DNAH9: variants seen among roughly 807,000 people sequenced by gnomAD.
DNAH9 encodes DNAH9 variant protein.
A neutral mutation model predicts 471.6 loss-of-function variants in DNAH9; 345 were observed. That is an observed-to-expected ratio of 0.73 (90% CI 0.67 to 0.80). DNAH9 has a LOEUF of 0.80. Ranked by LOEUF, DNAH9 falls within the 30% of genes least tolerant of loss-of-function variation. DNAH9 has a pLI of 0.00. For synonymous variants in DNAH9, 2,093 were observed against 2,123.6 expected (o/e 0.99, Z 0.40); for missense variants, 5,407 against 5,609.2 (o/e 0.96, Z 1.15).
chr17:11,865,244 A>G (rs1042920636), intron 50 of DNAH9, among the ~76,000 whole-genome samples: 1 of 151,986 alleles, frequency 6.6e-6, no homozygotes, highest in Non-Finnish European at 1.5e-5. Context: ...AGCTTTGCTT[A>G]TCTGTAAAGT....
At chr17:11,928,581 T>C (rs1974403570) in intron 62 of DNAH9, among the ~76,000 whole-genome samples, 1 of 152,172 alleles carries the variant, frequency 6.6e-6, no homozygotes. Context: ...CAAATGTAGG[T>C]TTTGATAGAT....
At chr17:11,795,072 A>AT (rs778928053) in intron 42 of DNAH9, among the ~76,000 whole-genome samples, 4 of 97,686 alleles carry the variant, frequency 4.1e-5, no homozygotes, top group Non-Finnish European at 6.4e-5. Context: ...TTAAAGTATA[A>AT]TAAAAAAATA....
intron 22 of DNAH9, among the ~76,000 whole-genome samples, 177 bp downstream of exon 22, chr17:11,694,624 T>C (rs146200819): frequency 0.032 from 166 of 5,234 alleles, 12 homozygotes; most frequent in Non-Finnish European, 0.062. Flanking sequence ...CTTGCTTTCT[T>C]GCTTTCTTGC....
chr17:11,671,241 G>A (rs1172341367), intron 17 of DNAH9, among the ~76,000 whole-genome samples: 3 of 152,192 alleles, frequency 2.0e-5, no homozygotes, highest in Non-Finnish European at 4.4e-5. Context: ...TTCAGGCACA[G>A]CAAGGCTACA....
chr17:11,885,897 C>G (rs1972862905), intron 56 of DNAH9, among the ~76,000 whole-genome samples: 1 of 152,196 alleles, frequency 6.6e-6, no homozygotes, highest in Admixed American at 6.5e-5. Context: ...GGTGCTCCCA[C>G]AAATTATCAG....
At chr17:11,813,463 T>C (rs1327134470) in intron 45 of DNAH9, among the ~76,000 whole-genome samples, 1 of 152,122 alleles carries the variant, frequency 6.6e-6, no homozygotes, top group East Asian at 1.9e-4. Context: ...AACCTCATTA[T>C]CTCCCAACTT....
intron 17 of DNAH9, among the ~76,000 whole-genome samples, chr17:11,677,568 T>A (rs1285446586): frequency 6.6e-6 from 1 of 152,214 alleles, no homozygotes; most frequent in East Asian, 1.9e-4. Context: ...AGCATAGAAC[T>A]GATTTTTTAA....
At chr17:11,861,744 G>T (rs904241697) in intron 50 of DNAH9, among the ~76,000 whole-genome samples, 18 of 152,162 alleles carry the variant, frequency 1.2e-4, no homozygotes, top group African/African-American at 3.9e-4. Context: ...ATATCTCATT[G>T]TGGTTTTGAT....
chr17:11,726,375 G>T (rs755312754), intron 27 of DNAH9, among the ~76,000 whole-genome samples: 3 of 152,118 alleles, frequency 2.0e-5, no homozygotes, highest in Non-Finnish European at 4.4e-5. Flanking sequence ...GATTTCTCAG[G>T]GCCCTTAAAC....
intron 41 of DNAH9, among the ~76,000 whole-genome samples, chr17:11,787,114 C>T (rs748167318): frequency 1.3e-5 from 2 of 152,230 alleles, no homozygotes; most frequent in Admixed American, 6.5e-5. Flanking sequence ...TTCACGAATC[C>T]GAATTGGGTA....
intron 67 of DNAH9, among the ~76,000 whole-genome samples, chr17:11,943,243 C>T (rs957319316): frequency 3.9e-5 from 6 of 152,008 alleles, no homozygotes; most frequent in Admixed American, 3.9e-4. Flanking sequence ...TCAGACAAGC[C>T]CTGGAAGTCC....
chr17:11,699,061 T>C lies in DNAH9; in HGVS notation c.4873-670T>C, dbSNP rs1017998745. 6.0e-4 allele frequency among the ~76,000 whole-genome samples: 91 copies of C among 151,956 alleles called. 1 individual carries two copies. Among genetic ancestry groups the C allele is most frequent in the Non-Finnish European group, 2.2e-4 (15 of 67,990 alleles). On this transcript the variant is annotated intron_variant, in intron 22 of 68. Coordinates refer to ENST00000262442, the MANE Select transcript of DNAH9 (RefSeq NM_001372.4). ...ATCAGGAGTTCAAGACCATCCTGAC[T>C]AACATGGTGAAACCGCATCTCTACT...
At chr17:11,644,364 T>A (rs557716782) in intron 10 of DNAH9, among the ~76,000 whole-genome samples, 81 of 152,278 alleles carry the variant, frequency 5.3e-4, no homozygotes, top group African/African-American at 1.9e-3. Context: ...TGTGACTGGC[T>A]CAGCTAGGTG....
At chr17:11,628,213 A>T (rs1040140512) in intron 6 of DNAH9, among the ~76,000 whole-genome samples, 1 of 152,220 alleles carries the variant, frequency 6.6e-6, no homozygotes, top group African/African-American at 2.4e-5. Flanking sequence ...AGATACTCAC[A>T]AGAGATAAAT....
chr17:11,809,128 A>G (rs1414038066), intron 44 of DNAH9, among the ~76,000 whole-genome samples: 1 of 152,212 alleles, frequency 6.6e-6, no homozygotes, highest in African/African-American at 2.4e-5. Context: ...TAAGTTCAGA[A>G]CTTGGCATCC....
chr17:11,664,709 G>A, intron 14 of DNAH9, 124 bp from the exon 15 acceptor site: 2 of 778,602 alleles, frequency 2.6e-6, no homozygotes, highest in Non-Finnish European at 4.2e-6. Context: ...CGATACATGT[G>A]TAATAGCAAA....
At chr17:11,656,091 T>A (rs903341326) in intron 14 of DNAH9, among the ~76,000 whole-genome samples, 2 of 152,188 alleles carry the variant, frequency 1.3e-5, no homozygotes, top group Admixed American at 1.3e-4. Context: ...GTAGTGGGAT[T>A]GCTGGGTCAA....
intron 26 of DNAH9, among the ~76,000 whole-genome samples, chr17:11,707,067 A>G (rs2074715498): frequency 6.6e-6 from 1 of 152,254 alleles, no homozygotes; most frequent in Non-Finnish European, 1.5e-5. Flanking sequence ...CAGTGAGGGC[A>G]GAACAATAGG....
At chr17:11,831,809 C>T (rs73296467) in intron 48 of DNAH9, among the ~76,000 whole-genome samples, 2,581 of 152,204 alleles carry the variant, frequency 0.017, 82 homozygotes, top group East Asian at 0.15. Flanking sequence ...CATCATGTGC[C>T]TGGTTCTTGA....
Sources: gnomAD v4.1 joint callset for allele counts (sites outside exome capture counted in the v4.1 genomes callset) on GRCh38, gnomAD v4.1.1 for gene constraint, MANE v1.5 for transcripts, NCBI Gene and HGNC (gene_info 2026-07-23, HGNC 2026-07-21) for gene names.